FRMD4B: variants seen among roughly 807,000 people sequenced by gnomAD.
FRMD4B encodes FERM domain-containing protein 4B.
In FRMD4B, 74 loss-of-function variants were observed where a neutral mutation model predicts 141.5. The observed-to-expected ratio is 0.52, with a 90% CI of 0.43 to 0.63. The LOEUF (loss-of-function observed/expected upper bound fraction) is 0.63. Among genes scored for constraint, FRMD4B ranks in the 30% least tolerant of loss-of-function variants. The pLI, the probability that FRMD4B is intolerant of heterozygous loss-of-function variation, is 0.00. For synonymous variants in FRMD4B, 506 were observed against 467.9 expected (o/e 1.08, Z -1.05); for missense variants, 1,366 against 1,253.4 (o/e 1.09, Z -1.36).
intron 1 of FRMD4B, chr3:69,536,112 C>A (rs1300640350): frequency 4.2e-6 from 2 of 477,860 alleles, no homozygotes; most frequent in African/African-American, 2.0e-5. Context: ...TGCTTGCCGG[C>A]CTTCTCTGTG....
chr3:69,524,409 G>A (rs1418683690), intron 1 of FRMD4B, among the ~76,000 whole-genome samples: 1 of 152,212 alleles, frequency 6.6e-6, no homozygotes, highest in Non-Finnish European at 1.5e-5. Context: ...AATCTCCAGT[G>A]ATCTTTCAGT....
chr3:69,225,645 A>C (rs1263919849), intron 7 of FRMD4B, among the ~76,000 whole-genome samples: 1 of 128,180 alleles, frequency 7.8e-6, no homozygotes, highest in African/African-American at 2.9e-5. Flanking sequence ...CAGTGAGCCG[A>C]GATCACGCCA....
At chr3:69,427,553 G>A (rs1041104148) in intron 2 of FRMD4B, among the ~76,000 whole-genome samples, 2 of 144,846 alleles carry the variant, frequency 1.4e-5, no homozygotes, top group Non-Finnish European at 3.0e-5. Flanking sequence ...GCTCTTCTCT[G>A]ATAAAACCTT....
At chr3:69,275,442 C>CA (rs2093613301) in intron 5 of FRMD4B, among the ~76,000 whole-genome samples, 2 of 141,764 alleles carry the variant, frequency 1.4e-5, no homozygotes, top group Non-Finnish European at 3.1e-5. Context: ...CTCTCTCTCT[C>CA]TTTTTTTTTT....
At chr3:69,287,654 T>C (rs1382069067) in intron 5 of FRMD4B, 98 bp downstream of exon 5, 2 of 689,540 alleles carry the variant, frequency 2.9e-6, no homozygotes, top group African/African-American at 3.6e-5. Context: ...CTTTTTTTTT[T>C]TCTTAGTTTG....
At chr3:69,465,039 A>G (rs1270909399) in intron 1 of FRMD4B, among the ~76,000 whole-genome samples, 1 of 152,176 alleles carries the variant, frequency 6.6e-6, no homozygotes, top group Non-Finnish European at 1.5e-5. Context: ...AACAATCTTC[A>G]TCCAGGCGTG....
chr3:69,356,423 G>A (rs965589591), intron 1 of FRMD4B, among the ~76,000 whole-genome samples: 3 of 151,930 alleles, frequency 2.0e-5, no homozygotes, highest in Non-Finnish European at 4.4e-5. Flanking sequence ...TCTTTCTCTC[G>A]TGCTGGATGC....
At chr3:69,374,969 C>T (rs1703926816) in intron 1 of FRMD4B, among the ~76,000 whole-genome samples, 1 of 152,108 alleles carries the variant, frequency 6.6e-6, no homozygotes. Context: ...GACATCCATC[C>T]AACCATTCAT....
intron 1 of FRMD4B, among the ~76,000 whole-genome samples, chr3:69,437,935 A>T (rs1316663603): frequency 9.6e-5 from 12 of 125,012 alleles, no homozygotes; most frequent in Non-Finnish European, 1.7e-4. Flanking sequence ...TATTATATAT[A>T]CTATATAACA....
At chr3:69,379,591 T>C (rs2106674115) in intron 1 of FRMD4B, among the ~76,000 whole-genome samples, 1 of 152,378 alleles carries the variant, frequency 6.6e-6, no homozygotes, top group East Asian at 1.9e-4. Context: ...CCTAGGTTTT[T>C]GATGAGAAAA....
intron 1 of FRMD4B, chr3:69,535,843 GC>G: frequency 4.3e-6 from 2 of 467,296 alleles, no homozygotes; most frequent in Non-Finnish European, 8.8e-6. Context: ...CCCTTTAGGA[GC>G]CTTGGTCTTG....
At chr3:69,364,579 C>A (rs1453365437) in intron 1 of FRMD4B, among the ~76,000 whole-genome samples, 1 of 152,218 alleles carries the variant, frequency 6.6e-6, no homozygotes, top group East Asian at 1.9e-4. Context: ...TCTTCACCCT[C>A]AGGGCACTAT....
At chr3:69,242,854 C>T (rs974283099) in intron 7 of FRMD4B, among the ~76,000 whole-genome samples, 2 of 151,716 alleles carry the variant, frequency 1.3e-5, no homozygotes, top group Middle Eastern at 3.4e-3. Context: ...ATTAGCCGGG[C>T]GTGGTGGTGG....
intron 12 of FRMD4B, chr3:69,198,391 C>A: frequency 7.0e-6 from 2 of 287,694 alleles, no homozygotes. Flanking sequence ...CACTTCAACC[C>A]ACTAGGATGG....
chr3:69,278,604 CT>C (rs55732494), intron 5 of FRMD4B, among the ~76,000 whole-genome samples: 104,328 of 142,172 alleles, frequency 0.73, 38,176 homozygotes, highest in East Asian at 0.95. Context: ...CCCCAAATTG[CT>C]TTTTTTTTTT....
chr3:69,501,467 T>C (rs532630354), intron 1 of FRMD4B, among the ~76,000 whole-genome samples: 1 of 152,266 alleles, frequency 6.6e-6, no homozygotes, highest in East Asian at 1.9e-4. Flanking sequence ...AATGAACATC[T>C]GCAGAGGCCT....
At chr3:69,494,038 A>G (rs1015110482) in intron 1 of FRMD4B, among the ~76,000 whole-genome samples, 2 of 152,184 alleles carry the variant, frequency 1.3e-5, no homozygotes, top group Non-Finnish European at 2.9e-5. Context: ...CACTGTACTC[A>G]GTTAATTTTT....
chr3:69,227,706 G>A (rs1026917859), intron 7 of FRMD4B, among the ~76,000 whole-genome samples: 8 of 151,510 alleles, frequency 5.3e-5, no homozygotes, highest in East Asian at 1.9e-4. Flanking sequence ...AAAGAAAAAA[G>A]TATTCTTAAA....
intron 7 of FRMD4B, among the ~76,000 whole-genome samples, chr3:69,237,823 T>A (rs1006134824): frequency 2.0e-5 from 3 of 152,182 alleles, no homozygotes; most frequent in Non-Finnish European, 4.4e-5. Flanking sequence ...CTCTGCCTCC[T>A]GGGTTCAAGT....
Sources: gnomAD v4.1 joint callset for allele counts (sites outside exome capture counted in the v4.1 genomes callset) on GRCh38, gnomAD v4.1.1 for gene constraint, MANE v1.5 for transcripts, NCBI Gene and HGNC (gene_info 2026-07-23, HGNC 2026-07-21) for gene names.